The following ANO4 variants were observed in gnomAD, a reference collection of about 807,000 sequenced individuals.
The protein encoded by ANO4 is anoctamin 4, also known as anoctamin-4.
ANO4 carries 69 observed loss-of-function variants against 141.9 expected under a neutral mutation model. The ratio of observed to expected loss-of-function variants is 0.49; its 90% CI spans 0.40 to 0.59. The LOEUF is 0.59. ANO4 is among the 20% of genes least tolerant of loss of function. The pLI is 0.00. For synonymous variants in ANO4, 350 were observed against 394.3 expected (o/e 0.89, Z 1.33); for missense variants, 894 against 1,162.2 (o/e 0.77, Z 3.36).
At chr12:100,787,062 G>C (rs117332048) in intron 3 of ANO4, among the ~76,000 whole-genome samples, 1,907 of 152,226 alleles carry the variant, frequency 0.013, 20 homozygotes, top group Non-Finnish European at 0.02. Context: ...TTATAATCAC[G>C]TATTTGAGTG....
At chr12:100,964,633 C>A (rs1361919739) in intron 5 of ANO4, among the ~76,000 whole-genome samples, 1 of 152,136 alleles carries the variant, frequency 6.6e-6, no homozygotes, top group South Asian at 2.1e-4. Flanking sequence ...AAGTGGCTAA[C>A]CTGATTTGAT....
At chr12:100,948,789 A>G (rs1202324673) in intron 5 of ANO4, among the ~76,000 whole-genome samples, 1 of 152,268 alleles carries the variant, frequency 6.6e-6, no homozygotes, top group East Asian at 1.9e-4. Context: ...CTTCCCCCTG[A>G]GTTCAGGTGG....
At chr12:100,862,876 T>C (rs746277967) in intron 1 of ANO4, among the ~76,000 whole-genome samples, 2 of 152,216 alleles carry the variant, frequency 1.3e-5, no homozygotes, top group Non-Finnish European at 2.9e-5. Flanking sequence ...CATGACTGTA[T>C]ACGGTAAGTC....
At chr12:100,784,856 C>T (rs752885287) in intron 3 of ANO4, among the ~76,000 whole-genome samples, 2 of 152,172 alleles carry the variant, frequency 1.3e-5, no homozygotes, top group Non-Finnish European at 2.9e-5. Flanking sequence ...TGCCGTTTGT[C>T]TGTGTGCTTG....
intron 5 of ANO4, among the ~76,000 whole-genome samples, chr12:100,966,803 A>T (rs2043675204): frequency 6.7e-6 from 1 of 148,688 alleles, no homozygotes; most frequent in Admixed American, 6.8e-5. Context: ...ATGTATATAT[A>T]TACACACACA....
intron 1 of ANO4, among the ~76,000 whole-genome samples, chr12:100,845,465 G>A (rs775725660): frequency 6.6e-6 from 1 of 152,128 alleles, no homozygotes; most frequent in Non-Finnish European, 1.5e-5. Flanking sequence ...CCTCCCAAGA[G>A]GACGTTGTTT....
chr12:100,944,759 A>G (rs2042657021), intron 5 of ANO4, among the ~76,000 whole-genome samples: 1 of 152,166 alleles, frequency 6.6e-6, no homozygotes. Flanking sequence ...AGGTTCTCTT[A>G]TAGATAAATT....
At chr12:100,805,867 G>T (rs2034989355) in intron 1 of ANO4, among the ~76,000 whole-genome samples, 2 of 152,150 alleles carry the variant, frequency 1.3e-5, no homozygotes, top group Admixed American at 6.5e-5. Context: ...AACCTAAACA[G>T]TGGAATTGGA....
At chr12:100,738,709 G>A (rs1318899574) in intron 2 of ANO4, among the ~76,000 whole-genome samples, 4 of 151,792 alleles carry the variant, frequency 2.6e-5, no homozygotes, top group East Asian at 3.9e-4. Flanking sequence ...TATTTAAGGT[G>A]CACAACATAA....
At chr12:100,827,367 C>T (rs2036407074) in intron 1 of ANO4, among the ~76,000 whole-genome samples, 2 of 151,932 alleles carry the variant, frequency 1.3e-5, no homozygotes, top group South Asian at 4.2e-4. Flanking sequence ...TTAAAAATAT[C>T]TTTTTCATTG....
At chr12:101,076,977 G>A (rs1322154241) in intron 14 of ANO4, among the ~76,000 whole-genome samples, 10 of 152,158 alleles carry the variant, frequency 6.6e-5, no homozygotes, top group South Asian at 2.1e-4. Flanking sequence ...GCTTGCAAGG[G>A]TGGCCCTTGG....
At chr12:100,989,621 A>AGATGGATGGATG (rs375754773) in intron 8 of ANO4, among the ~76,000 whole-genome samples, 23 of 103,288 alleles carry the variant, frequency 2.2e-4, no homozygotes, top group South Asian at 9.3e-4. Context: ...ATGGATGGAT[A>AGATGGATGGATG]GATGGATGGA....
chr12:100,732,387 A>G (rs1014844546), intron 1 of ANO4, among the ~76,000 whole-genome samples: 3 of 140,390 alleles, frequency 2.1e-5, no homozygotes, highest in African/African-American at 7.5e-5. Context: ...TGTGTCTGTA[A>G]AAGTGATTGG....
Position 100,907,532 on chromosome 12 carries a change from A to G in ANO4, c.55+5692A>G, listed in dbSNP as rs137997276. Among the ~76,000 whole-genome samples the G allele has an allele frequency of 4.6e-5, 7 of 152,244 alleles. No individual in the cohort carries two copies. The East Asian group carries it at 1.4e-3, about 29-fold the overall frequency. On this transcript the variant is annotated intron_variant, in intron 2 of 27. Coordinates refer to ENST00000392977, the MANE Select transcript of ANO4 (RefSeq NM_001286615.2). ...TCCCAGAAGGCAGGAACTCTCCTCA[A>G]TTCATCTTTGTATCTTCCGTCACTC... is the stretch of plus-strand genomic sequence containing the variant.
intron 5 of ANO4, among the ~76,000 whole-genome samples, chr12:100,964,432 G>A (rs1484525046): frequency 1.3e-5 from 2 of 152,046 alleles, no homozygotes; most frequent in East Asian, 1.9e-4. Flanking sequence ...AGCTGGTCCC[G>A]TCTCTATCAT....
intron 3 of ANO4, among the ~76,000 whole-genome samples, chr12:100,929,141 T>C (rs2041991046): frequency 6.6e-6 from 1 of 152,112 alleles, no homozygotes; most frequent in Non-Finnish European, 1.5e-5. Context: ...ATTATACTTT[T>C]AGTTTTAAAT....
chr12:100,887,296 A>C lies in ANO4; in HGVS notation c.-140-14350A>C, dbSNP rs993686796. 5.9e-5 allele frequency among the ~76,000 whole-genome samples: 9 copies of C among 152,354 alleles called. 1 individual carries two copies. Among genetic ancestry groups the C allele is most frequent in the Admixed American group, 1.3e-4 (2 of 15,304 alleles). ...TCTCATTTAATAAGTGGTCCACTGA[A>C]ATTTAGGATTGCAGAGTATACTTTT... On this transcript the variant is annotated intron_variant, in intron 1 of 27. Transcript: ENST00000392977.
At chr12:100,724,708 A>C (rs189306582) in intron 1 of ANO4, among the ~76,000 whole-genome samples, 17 of 152,284 alleles carry the variant, frequency 1.1e-4, no homozygotes, top group Non-Finnish European at 2.2e-4. Context: ...TGTGTCTACT[A>C]TATGTTTTTT....
At chr12:101,050,284 C>T (rs939838269) in intron 14 of ANO4, among the ~76,000 whole-genome samples, 1 of 152,172 alleles carries the variant, frequency 6.6e-6, no homozygotes, top group African/African-American at 2.4e-5. Flanking sequence ...GCTGAGGCCT[C>T]TCTCAAGCTT....
Sources: gnomAD v4.1 joint callset for allele counts (sites outside exome capture counted in the v4.1 genomes callset) on GRCh38, gnomAD v4.1.1 for gene constraint, MANE v1.5 for transcripts, NCBI Gene and HGNC (gene_info 2026-07-23, HGNC 2026-07-21) for gene names.